The following WWOX variants were observed in gnomAD, a reference collection of about 807,000 sequenced individuals.
WWOX encodes the protein WW domain containing oxidoreductase, also known as WW domain-containing oxidoreductase.
In WWOX, 69 loss-of-function variants were observed where a neutral mutation model predicts 46.2. That is an observed-to-expected ratio of 1.49 (90% CI 1.23 to 1.82). The LOEUF (loss-of-function observed/expected upper bound fraction) is 1.82, where lower values mean the gene tolerates loss of function less well. Among genes scored for constraint, WWOX ranks in the 40% most tolerant of loss-of-function variants. The pLI, the probability that WWOX is intolerant of heterozygous loss-of-function variation, is 0.00. For missense variants in WWOX, 919 were observed against 542.6 expected, an observed-to-expected ratio of 1.69 and a Z score of -6.89; for synonymous variants, 359 against 202.6, an observed-to-expected ratio of 1.77 and a Z score of -6.56.
chr16:78,672,374 A>G (rs560360304), intron 8 of WWOX, among the ~76,000 whole-genome samples: 18 of 152,310 alleles, frequency 1.2e-4, no homozygotes, highest in African/African-American at 4.1e-4. Flanking sequence ...TGCGATGATC[A>G]GAAAATACAT....
At chr16:78,214,848 T>C (rs1202637615) in intron 5 of WWOX, among the ~76,000 whole-genome samples, 1 of 149,378 alleles carries the variant, frequency 6.7e-6, no homozygotes. Flanking sequence ...AAAAAAAAGG[T>C]TTGTCGTTTA....
chr16:78,261,193 G>A lies in WWOX; in HGVS notation c.516+96904G>A, dbSNP rs371029735. Among the ~76,000 whole-genome samples, 18 of 150,674 alleles carry A rather than the reference G, an allele frequency of 1.2e-4. No individual in the cohort carries two copies. The East Asian group carries it at 3.5e-3, about 29-fold the overall frequency. On this transcript the variant is annotated intron_variant, in intron 5 of 8. Coordinates refer to ENST00000566780, the MANE Select transcript of WWOX (RefSeq NM_016373.4). ...ATATGGTGGCCAAAAAAGCAGATTG[G>A]TATCATGCTTTATGTGTGTTCATTC...
intron 5 of WWOX, chr16:78,278,661 A>C (rs2079623001): frequency 5.0e-6 from 8 of 1,608,796 alleles, no homozygotes; most frequent in Non-Finnish European, 6.8e-6. Flanking sequence ...CACTAGCAAA[A>C]GAAGGAAAAA....
chr16:78,947,024 G>A (rs1290519820), intron 8 of WWOX, among the ~76,000 whole-genome samples: 2 of 150,954 alleles, frequency 1.3e-5, no homozygotes, highest in African/African-American at 4.9e-5. Context: ...TCTTGTCTCT[G>A]CCTCCGTAAA....
intron 8 of WWOX, among the ~76,000 whole-genome samples, chr16:78,934,679 T>G (rs1567659891): frequency 1.3e-5 from 2 of 152,136 alleles, no homozygotes; most frequent in African/African-American, 4.8e-5. Flanking sequence ...GGATCTTCAG[T>G]GCCAGAACCC....
intron 8 of WWOX, among the ~76,000 whole-genome samples, chr16:78,807,458 C>T (rs190238047): frequency 1.3e-5 from 2 of 152,272 alleles, no homozygotes; most frequent in Non-Finnish European, 2.9e-5. Context: ...AATCATGAGG[C>T]CATGTAAAAA....
chr16:78,478,263 C>T (rs1016471375), intron 8 of WWOX, among the ~76,000 whole-genome samples: 3 of 152,124 alleles, frequency 2.0e-5, no homozygotes, highest in Non-Finnish European at 4.4e-5. Context: ...CTATTCCATT[C>T]TTTTTATAGC....
chr16:79,188,830 C>T (rs1195266563), intron 8 of WWOX, among the ~76,000 whole-genome samples: 1 of 152,216 alleles, frequency 6.6e-6, no homozygotes, highest in African/African-American at 2.4e-5. Flanking sequence ...GCTCGGTTCT[C>T]TCACCTTGCA....
chr16:78,462,766 T>C (rs2083981868), intron 8 of WWOX, among the ~76,000 whole-genome samples: 1 of 152,242 alleles, frequency 6.6e-6, no homozygotes, highest in South Asian at 2.1e-4. Flanking sequence ...AAACTCGTCC[T>C]GCCGCCTGGA....
intron 8 of WWOX, among the ~76,000 whole-genome samples, chr16:78,612,099 A>G (rs1597346836): frequency 6.6e-6 from 1 of 152,186 alleles, no homozygotes. Flanking sequence ...GTAGATTGAG[A>G]TGGAAATGAG....
chr16:78,492,815 TG>T (rs1194882452), intron 8 of WWOX, among the ~76,000 whole-genome samples: 1 of 152,192 alleles, frequency 6.6e-6, no homozygotes, highest in African/African-American at 2.4e-5. Flanking sequence ...GACAAATTTC[TG>T]GGGGCCTCAT....
intron 8 of WWOX, among the ~76,000 whole-genome samples, chr16:78,705,911 C>T (rs2048318458): frequency 6.6e-6 from 1 of 152,148 alleles, no homozygotes; most frequent in Non-Finnish European, 1.5e-5. Flanking sequence ...TAGATATAAG[C>T]ATCTGTTTAT....
At chr16:78,494,651 A>G (rs1391816833) in intron 8 of WWOX, among the ~76,000 whole-genome samples, 3 of 152,108 alleles carry the variant, frequency 2.0e-5, no homozygotes, top group African/African-American at 4.8e-5. Flanking sequence ...CATCTCCTGG[A>G]TTTTGCATGG....
chr16:78,109,739 C>G (rs1197977389), intron 2 of WWOX, 39 bp from the exon 3 acceptor site: 3 of 1,610,528 alleles, frequency 1.9e-6, no homozygotes, highest in Admixed American at 3.3e-5. Context: ...GTCTTTACTT[C>G]TCCCTGGCAC....
intron 5 of WWOX, among the ~76,000 whole-genome samples, chr16:78,386,473 T>G (rs1265683734): frequency 1.3e-5 from 2 of 152,220 alleles, no homozygotes; most frequent in Non-Finnish European, 2.9e-5. Flanking sequence ...CTTTTGAAAT[T>G]AAGATATTGT....
chr16:79,203,022 G>C (rs1449905211), intron 8 of WWOX: 2 of 152,166 alleles, frequency 1.3e-5, no homozygotes, highest in African/African-American at 4.8e-5. Flanking sequence ...GGCATCAAGT[G>C]CTTTAAAATG....
chr16:78,774,582 A>G (rs541340321), intron 8 of WWOX, among the ~76,000 whole-genome samples: 4 of 151,760 alleles, frequency 2.6e-5, no homozygotes, highest in Non-Finnish European at 5.9e-5. Flanking sequence ...CCCCCCACAC[A>G]TATGCACATA....
At chr16:78,147,851 A>C (rs1354848474) in intron 4 of WWOX, among the ~76,000 whole-genome samples, 1 of 151,434 alleles carries the variant, frequency 6.6e-6, no homozygotes, top group African/African-American at 2.4e-5. Flanking sequence ...TTCCCTCCTA[A>C]GCATTTCTTA....
chr16:78,758,889 T>G (rs2049722124), intron 8 of WWOX, among the ~76,000 whole-genome samples: 1 of 151,480 alleles, frequency 6.6e-6, no homozygotes, highest in South Asian at 2.1e-4. Context: ...GAGAATCTTC[T>G]TCCCAAGCCA....
Sources: gnomAD v4.1 joint callset for allele counts (sites outside exome capture counted in the v4.1 genomes callset) on GRCh38, gnomAD v4.1.1 for gene constraint, MANE v1.5 for transcripts, NCBI Gene and HGNC (gene_info 2026-07-23, HGNC 2026-07-21) for gene names.